ENTREP2: variants seen among roughly 807,000 people sequenced by gnomAD.
ENTREP2 encodes the protein protein ENTREP2.
chr15:29,478,173 C>T, the ENTREP2 span, among the ~76,000 whole-genome samples: 3 of 151,002 alleles, frequency 2.0e-5, no homozygotes, highest in African/African-American at 7.3e-5. Flanking sequence ...TACAGGCGCC[C>T]GTCACCACGC....
the ENTREP2 span, among the ~76,000 whole-genome samples, chr15:29,531,013 G>C: frequency 6.6e-6 from 1 of 152,180 alleles, no homozygotes; most frequent in African/African-American, 2.4e-5. Flanking sequence ...CAATGACGGA[G>C]AGAAGAGGGA....
chr15:29,636,975 TAAAGC>T, the ENTREP2 span, among the ~76,000 whole-genome samples: 1 of 151,876 alleles, frequency 6.6e-6, no homozygotes, highest in Non-Finnish European at 1.5e-5. Context: ...TTTGAACAGA[TAAAGC>T]TTAACATAAA....
the ENTREP2 span, among the ~76,000 whole-genome samples, chr15:29,329,436 G>A: frequency 5.9e-5 from 9 of 151,908 alleles, no homozygotes; most frequent in South Asian, 6.2e-4. Flanking sequence ...ATGATTGACC[G>A]CACCTAACTG....
the ENTREP2 span, among the ~76,000 whole-genome samples, chr15:29,387,894 G>T: frequency 1.3e-5 from 2 of 152,206 alleles, no homozygotes; most frequent in East Asian, 3.9e-4. Context: ...TAAAAATGGT[G>T]CTGGGAAAAC....
At chr15:29,151,140 G>A in the ENTREP2 span, among the ~76,000 whole-genome samples, 1 of 152,062 alleles carries the variant, frequency 6.6e-6, no homozygotes, top group African/African-American at 2.4e-5. Context: ...TTATAAATGT[G>A]TATTAATAAC....
chr15:29,316,337 G>A, the ENTREP2 span, among the ~76,000 whole-genome samples: 16 of 152,014 alleles, frequency 1.1e-4, no homozygotes, highest in African/African-American at 3.6e-4. Context: ...GGCCAGCAAG[G>A]GAAAATAAAG....
the ENTREP2 span, among the ~76,000 whole-genome samples, chr15:29,497,404 C>T: frequency 1.3e-5 from 2 of 152,084 alleles, no homozygotes; most frequent in African/African-American, 4.8e-5. Context: ...CTGGACTTTT[C>T]TTTGATAGAA....
the ENTREP2 span, among the ~76,000 whole-genome samples, chr15:29,310,762 G>A: frequency 2.0e-5 from 3 of 152,134 alleles, no homozygotes; most frequent in East Asian, 1.9e-4. Context: ...CAACCCAGAC[G>A]CCAAAGCTCC....
the ENTREP2 span, among the ~76,000 whole-genome samples, chr15:29,642,178 A>C: frequency 6.6e-6 from 1 of 152,162 alleles, no homozygotes; most frequent in Non-Finnish European, 1.5e-5. Context: ...AGTAAAAAAG[A>C]AAACATTTTG....
the ENTREP2 span, among the ~76,000 whole-genome samples, chr15:29,578,550 G>A: frequency 2.9e-3 from 444 of 152,326 alleles, 5 homozygotes; most frequent in Non-Finnish European, 2.5e-3. Context: ...AGTGCAGGGA[G>A]AGAAGAAATC....
At chr15:29,295,587 A>G in the ENTREP2 span, among the ~76,000 whole-genome samples, 24 of 152,222 alleles carry the variant, frequency 1.6e-4, no homozygotes, top group African/African-American at 5.1e-4. Flanking sequence ...AATTAAGCAA[A>G]TAAGAGAATA....
the ENTREP2 span, among the ~76,000 whole-genome samples, chr15:29,273,658 G>A: frequency 6.6e-6 from 1 of 152,194 alleles, no homozygotes; most frequent in African/African-American, 2.4e-5. Context: ...CGTTCAATCT[G>A]GGTGGGCACC....
chr15:29,288,343 C>T, the ENTREP2 span, among the ~76,000 whole-genome samples: 1 of 152,162 alleles, frequency 6.6e-6, no homozygotes, highest in South Asian at 2.1e-4. Flanking sequence ...TCACAGTGGT[C>T]TCGTTTGACT....
chr15:29,185,702 C>T, the ENTREP2 span, among the ~76,000 whole-genome samples: 2 of 152,254 alleles, frequency 1.3e-5, no homozygotes, highest in East Asian at 1.9e-4. Context: ...GCTGGGATTA[C>T]AGGCGCCCGC....
the ENTREP2 span, chr15:29,269,303 G>A: frequency 6.2e-7 from 1 of 1,614,204 alleles, no homozygotes; most frequent in South Asian, 1.1e-5. Context: ...AAGACGTACT[G>A]GAGGCGCTCG....
At chr15:29,442,845 C>T in the ENTREP2 span, among the ~76,000 whole-genome samples, 4 of 152,176 alleles carry the variant, frequency 2.6e-5, no homozygotes, top group African/African-American at 9.7e-5. Flanking sequence ...CATACTTTAC[C>T]CTCCCCAATT....
chr15:29,642,905 C>T, the ENTREP2 span, among the ~76,000 whole-genome samples: 2 of 152,192 alleles, frequency 1.3e-5, no homozygotes, highest in Admixed American at 6.5e-5. Flanking sequence ...AGCCATCGCG[C>T]CTGGCCAATA....
At chr15:29,555,079 G>C in the ENTREP2 span, among the ~76,000 whole-genome samples, 1 of 152,204 alleles carries the variant, frequency 6.6e-6, no homozygotes, top group African/African-American at 2.4e-5. Flanking sequence ...GTGACAATAA[G>C]AAAGGCTGGA....
chr15:29,330,118 T>C, the ENTREP2 span, among the ~76,000 whole-genome samples: 1 of 152,076 alleles, frequency 6.6e-6, no homozygotes, highest in African/African-American at 2.4e-5. Flanking sequence ...GCCTTACTGA[T>C]AGTATGTCCC....
Sources: gnomAD v4.1 joint callset for allele counts (sites outside exome capture counted in the v4.1 genomes callset) on GRCh38, gnomAD v4.1.1 for gene constraint, MANE v1.5 for transcripts, NCBI Gene and HGNC (gene_info 2026-07-23, HGNC 2026-07-21) for gene names.